The following DEPDC4 variants were observed in gnomAD, a reference collection of about 807,000 sequenced individuals.
DEPDC4 encodes the protein DEP domain containing 4, also known as DEP domain-containing protein 4.
In DEPDC4, 52 loss-of-function variants were observed where a neutral mutation model predicts 52.0. That is an observed-to-expected ratio of 1.00 (90% CI 0.80 to 1.26). The LOEUF (loss-of-function observed/expected upper bound fraction) is 1.26. DEPDC4 is among the 50% of genes most tolerant of loss of function. DEPDC4 has a pLI of 0.00. For missense variants in DEPDC4, 530 were observed against 546.9 expected, an observed-to-expected ratio of 0.97 and a Z score of 0.31; for synonymous variants, 201 against 196.8, an observed-to-expected ratio of 1.02 and a Z score of -0.18.
At chr12:100,243,967 A>C (rs2096171495) in intron 8 of DEPDC4, among the ~76,000 whole-genome samples, 1 of 150,904 alleles carries the variant, frequency 6.6e-6, no homozygotes, top group Non-Finnish European at 1.5e-5. Flanking sequence ...TGCCTTCCTA[A>C]CATATTTTTC....
chr12:100,257,113 ACT>A (rs1001903276), intron 3 of DEPDC4, among the ~76,000 whole-genome samples: 2 of 151,340 alleles, frequency 1.3e-5, no homozygotes, highest in South Asian at 2.1e-4. Flanking sequence ...ACAGAGTGTC[ACT>A]CTGCCCAGGC....
At chr12:100,266,856 G>C (rs1471440948) in intron 1 of DEPDC4, 64 bp downstream of exon 1, 1 of 1,551,374 alleles carries the variant, frequency 6.4e-7, no homozygotes, top group East Asian at 2.3e-5. Context: ...AGTCCCAGCC[G>C]CCTGCTCCCT....
chr12:100,275,098 A>G, the DEPDC4 span, among the ~76,000 whole-genome samples: 2 of 152,106 alleles, frequency 1.3e-5, no homozygotes, highest in African/African-American at 4.8e-5. Context: ...CATTGTATAG[A>G]TCTTGCATAG....
intron 3 of DEPDC4, among the ~76,000 whole-genome samples, chr12:100,258,020 GATA>G (rs1404154765): frequency 7.1e-6 from 1 of 140,808 alleles, no homozygotes; most frequent in Admixed American, 7.3e-5. Flanking sequence ...TAGATAGATA[GATA>G]GGGTCTTGCT....
rs989584896 is a variant in DEPDC4, at chr12:100,240,926, A to C, written c.*966T>G. 1.3e-5 allele frequency among the ~76,000 whole-genome samples: 2 copies of C among 152,022 alleles called. No homozygotes were observed. Among genetic ancestry groups the C allele is most frequent in the African/African-American group, 4.8e-5 (2 of 41,394 alleles). On this transcript the variant is annotated 3_prime_UTR_variant, in exon 10 of 10. Coordinates refer to ENST00000550587, the MANE Select transcript of DEPDC4 (RefSeq NM_001364818.2). ...AAATTAGCCGGGCATAGTGGCAGGT[A>C]CCTATAATCCCAGCTACTCGGGAGG...
the DEPDC4 span, among the ~76,000 whole-genome samples, chr12:100,281,706 C>T: frequency 0.038 from 5,766 of 151,846 alleles, 187 homozygotes; most frequent in Non-Finnish European, 0.05. Context: ...TGGTAGCGGG[C>T]GCCTGTAGTC....
intron 9 of DEPDC4, 66 bp downstream of exon 9, chr12:100,242,420 T>C (rs1274972456): frequency 4.0e-5 from 6 of 151,028 alleles, no homozygotes; most frequent in African/African-American, 7.3e-5. Context: ...TACGCTCCTA[T>C]ACTCAACTCT....
intron 4 of DEPDC4, among the ~76,000 whole-genome samples, chr12:100,255,268 T>C (rs1205635428): frequency 6.6e-6 from 1 of 152,220 alleles, no homozygotes; most frequent in Non-Finnish European, 1.5e-5. Context: ...TATCCCTGAC[T>C]CAAGGGCAGG....
chr12:100,259,864 G>A (rs1208599697), intron 3 of DEPDC4, among the ~76,000 whole-genome samples: 2 of 151,918 alleles, frequency 1.3e-5, no homozygotes, highest in Non-Finnish European at 2.9e-5. Context: ...GAACGGTTAC[G>A]TTATGTGCCT....
intron 1 of DEPDC4, among the ~76,000 whole-genome samples, chr12:100,265,583 A>G (rs1231060189): frequency 6.6e-6 from 1 of 152,220 alleles, no homozygotes; most frequent in Non-Finnish European, 1.5e-5. Context: ...CAAGGGAAAA[A>G]AAACAGTCTA....
rs2153910068 is a variant in DEPDC4, at chr12:100,252,404, A to G, written c.1238T>C (p.Leu413Ser). The G allele has an allele frequency of 6.4e-7, 1 of 1,561,854 alleles. No individual in the cohort carries two copies. Among genetic ancestry groups the G allele is most frequent in the East Asian group, 2.3e-5 (1 of 44,352 alleles). The change falls in exon 6 of 10, where the codon TTG becomes TCG. Residue 413 changes from leucine (L) to serine (S), a missense_variant. By Grantham distance (145) the Leu-to-Ser change is moderately radical (BLOSUM62 -2). Transcript: ENST00000550587. The part of the protein sequence containing the change: ...AMASEPNAYK[L>S]QKQYDNKTVV... ...TGCAAAATTTTTCACCTGTTTTTGC[A>G]ACTTGTAGGCATTGGGCTCTGATGC... is the stretch of plus-strand genomic sequence containing the variant.
At chr12:100,242,017 C>T (rs2096161305) in intron 9 of DEPDC4, among the ~76,000 whole-genome samples, 172 bp from the exon 10 acceptor site, 1 of 152,108 alleles carries the variant, frequency 6.6e-6, no homozygotes, top group South Asian at 2.1e-4. Flanking sequence ...GCAAAACATA[C>T]ATGATTTTAT....
intron 9 of DEPDC4, among the ~76,000 whole-genome samples, chr12:100,233,110 G>A (rs1201155471): frequency 5.3e-5 from 8 of 152,098 alleles, no homozygotes; most frequent in Admixed American, 1.3e-4. Flanking sequence ...GTGGACTTGC[G>A]AGTCAAACAC....
intron 8 of DEPDC4, among the ~76,000 whole-genome samples, chr12:100,244,899 T>A (rs2096178683): frequency 6.6e-6 from 1 of 151,372 alleles, no homozygotes; most frequent in Non-Finnish European, 1.5e-5. Context: ...TGAGAGGGAG[T>A]CTCACTCTGT....
chr12:100,276,422 TC>T, the DEPDC4 span, among the ~76,000 whole-genome samples: 1 of 152,168 alleles, frequency 6.6e-6, no homozygotes, highest in Non-Finnish European at 1.5e-5. Context: ...AGCCTTGATC[TC>T]CCAGGCTTAA....
intron 4 of DEPDC4, among the ~76,000 whole-genome samples, chr12:100,254,217 T>A (rs1265363547): frequency 6.6e-6 from 1 of 151,986 alleles, no homozygotes; most frequent in Non-Finnish European, 1.5e-5. Flanking sequence ...AGGCCTTCAT[T>A]TCTCCCTTTT....
chr12:100,266,786 G>A (rs1177735581), intron 1 of DEPDC4, 134 bp downstream of exon 1: 8 of 1,229,368 alleles, frequency 6.5e-6, no homozygotes, highest in Non-Finnish European at 9.0e-6. Context: ...CCAGTGCCTG[G>A]TAGGGCAGGA....
chr12:100,274,431 A>G, the DEPDC4 span, among the ~76,000 whole-genome samples: 2 of 152,186 alleles, frequency 1.3e-5, no homozygotes, highest in African/African-American at 4.8e-5. Flanking sequence ...ATGTGTTCCT[A>G]TATATCTCTG....
chr12:100,258,283 T>C (rs767205360), intron 3 of DEPDC4, among the ~76,000 whole-genome samples: 1 of 152,038 alleles, frequency 6.6e-6, no homozygotes, highest in Admixed American at 6.5e-5. Context: ...TACTTCCTAG[T>C]AGGTAAAACA....
Sources: allele counts gnomAD v4.1 joint callset (sites outside exome capture counted in the v4.1 genomes callset), GRCh38; gene constraint gnomAD v4.1.1; transcripts MANE v1.5; gene names NCBI Gene and HGNC (gene_info 2026-07-23, HGNC 2026-07-21).